Variants in CYB5B observed in about 807,000 individuals in gnomAD.
CYB5B encodes the protein cytochrome b5 type B.
Under a neutral mutation model 21.3 loss-of-function variants are expected in CYB5B, and 14 were observed. The observed-to-expected ratio is 0.66, with a 90% confidence interval of 0.43 to 1.03. CYB5B has a LOEUF of 1.03. CYB5B is among the 50% of genes least tolerant of loss of function. CYB5B has a pLI of 0.00. For missense variants in CYB5B, 166 were observed against 185.1 expected, an observed-to-expected ratio of 0.90 and a Z score of 0.60; for synonymous variants, 69 against 68.4, an observed-to-expected ratio of 1.01 and a Z score of -0.04.
intron 3 of CYB5B, chr16:69,450,180 A>G (rs1413272055): frequency 7.3e-6 from 1 of 137,896 alleles, no homozygotes; most frequent in Non-Finnish European, 1.5e-5. Context: ...TGGTAACACC[A>G]TTGCACTTCC....
intron 1 of CYB5B, among the ~76,000 whole-genome samples, chr16:69,444,682 A>C (rs1372684247): frequency 6.6e-6 from 1 of 152,094 alleles, no homozygotes; most frequent in Non-Finnish European, 1.5e-5. Context: ...AAAAAGAAGC[A>C]GGCTACAAAA....
intron 1 of CYB5B, among the ~76,000 whole-genome samples, chr16:69,438,608 CT>C (rs35676965): frequency 0.83 from 124,562 of 150,670 alleles, 52,959 homozygotes; most frequent in Non-Finnish European, 0.94. Context: ...ATTTTCATTT[CT>C]TTTTTTTTTG....
At chr16:69,450,403 C>T (rs1033784067) in intron 3 of CYB5B, among the ~76,000 whole-genome samples, 1 of 152,160 alleles carries the variant, frequency 6.6e-6, no homozygotes, top group Non-Finnish European at 1.5e-5. Context: ...CTGTTTTCCT[C>T]ATGTCACTGT....
intron 1 of CYB5B, among the ~76,000 whole-genome samples, chr16:69,432,916 G>A (rs246148): frequency 0.83 from 125,707 of 152,062 alleles, 52,170 homozygotes; most frequent in Middle Eastern, 0.92. Flanking sequence ...CCCTGCCTCA[G>A]CCTCCTGAGT....
chr16:69,440,276 G>A (rs146872068), intron 1 of CYB5B, among the ~76,000 whole-genome samples: 3 of 152,320 alleles, frequency 2.0e-5, no homozygotes, highest in African/African-American at 7.2e-5. Flanking sequence ...TTACAAAAAT[G>A]AGACTATACT....
chr16:69,448,835 G>A (rs953325916), intron 3 of CYB5B: 5 of 152,078 alleles, frequency 3.3e-5, no homozygotes, highest in African/African-American at 4.8e-5. Context: ...CTAATTTAAA[G>A]GGACAGCAGT....
chr16:69,462,544 G>T lies in CYB5B; in HGVS notation c.*24G>T. On this transcript the variant is annotated 3_prime_UTR_variant, in exon 5 of 5. Coordinates refer to ENST00000307892, the MANE Select transcript of CYB5B (RefSeq NM_030579.3). ...GAGGAGGCCTTGCTGAAGTTAGAAA[G>T]TGCATCCACTTTGGGGCGAAAACTA... 6.2e-7 allele frequency: 1 copy of T among 1,601,348 alleles called. No individual in the cohort carries two copies. The highest frequency in any genetic ancestry group is 8.6e-7 in the Non-Finnish European group (1 of 1,168,932).
chr16:69,464,467 T>C lies in CYB5B; in HGVS notation c.*1947T>C, dbSNP rs1395490247. On this transcript the variant is annotated 3_prime_UTR_variant, in exon 5 of 5. Transcript: ENST00000307892. ...AAGGCAAGGAAGGATTGGTATATGA[T>C]TGCCTGTAATAAATAAATTGCGTGA... 3 of 152,222 alleles carry C rather than the reference T, an allele frequency of 2.0e-5. No individual in the cohort carries two copies. Among genetic ancestry groups the C allele is most frequent in the African/African-American group, 7.2e-5 (3 of 41,456 alleles). The allele number at this position is 152,222 out of a possible 1,614,324, so 9.4% of individuals were successfully genotyped here. A position where few individuals can be genotyped will look rare whatever the true frequency, so the allele number is the denominator to read the frequency against.
At chr16:69,428,921 G>T (rs894722018) in intron 1 of CYB5B, among the ~76,000 whole-genome samples, 1 of 152,158 alleles carries the variant, frequency 6.6e-6, no homozygotes, top group Non-Finnish European at 1.5e-5. Context: ...AGGCCACAGT[G>T]GTTGAATAGT....
At chr16:69,434,787 C>T (rs898013810) in intron 1 of CYB5B, among the ~76,000 whole-genome samples, 1 of 145,440 alleles carries the variant, frequency 6.9e-6, no homozygotes, top group African/African-American at 2.6e-5. Flanking sequence ...CGCTTGAACC[C>T]GGGAGGTGGA....
At chr16:69,456,570 C>T (rs2142826663) in intron 3 of CYB5B, among the ~76,000 whole-genome samples, 1 of 152,306 alleles carries the variant, frequency 6.6e-6, no homozygotes, top group South Asian at 2.1e-4. Context: ...TGATTCACCA[C>T]TTGTAACTAA....
At position 69,424,817 on chromosome 16, in the gene CYB5B, T is replaced by G. The variant is rs1267489110; in HGVS notation, c.134T>G (p.Ile45Ser). ...RNSLKELWLV[I>S]HGRVYDVTRF... The stretch of plus-strand genomic sequence containing the variant: ...TCCTTGAAGGAACTGTGGCTTGTGA[T>G]CCATGGGCGAGTCTACGATGTCACC... Residue 45 changes from isoleucine to serine, a missense_variant, in exon 1 of 5, where the codon ATC becomes AGC. Physicochemically the swap from Ile to Ser is moderately radical, Grantham distance 142. Transcript: ENST00000307892. 2 of 1,603,660 alleles carry G rather than the reference T, an allele frequency of 1.2e-6. No homozygotes were observed. The highest frequency in any genetic ancestry group is 1.7e-6 in the Non-Finnish European group (2 of 1,174,860).
At chr16:69,461,881 G>A (rs1353057570) in intron 4 of CYB5B, among the ~76,000 whole-genome samples, 2 of 152,138 alleles carry the variant, frequency 1.3e-5, no homozygotes, top group East Asian at 1.9e-4. Context: ...TGTATGAGAT[G>A]AGAATAATAA....
At chr16:69,453,716 G>A (rs1334778111) in intron 3 of CYB5B, among the ~76,000 whole-genome samples, 6 of 151,876 alleles carry the variant, frequency 4.0e-5, no homozygotes, top group East Asian at 1.9e-4. Context: ...CTACCACCAC[G>A]CCTGGCTAAT....
chr16:69,438,901 G>A (rs1388987416), intron 1 of CYB5B, among the ~76,000 whole-genome samples: 2 of 151,896 alleles, frequency 1.3e-5, no homozygotes, highest in African/African-American at 4.8e-5. Context: ...CTCACATTTG[G>A]TAGATTGTCT....
chr16:69,447,005 C>T, intron 1 of CYB5B, 145 bp from the exon 2 acceptor site: 2 of 930,060 alleles, frequency 2.2e-6, no homozygotes, highest in Non-Finnish European at 3.2e-6. Context: ...GTGTTCTTCC[C>T]ATTGCATCCT....
At chr16:69,459,242 C>T in intron 4 of CYB5B, 121 bp downstream of exon 4, 1 of 1,250,560 alleles carries the variant, frequency 8.0e-7, no homozygotes, top group Non-Finnish European at 1.1e-6. Flanking sequence ...TCTTTTTTGG[C>T]CCAAATCATT....
intron 1 of CYB5B, among the ~76,000 whole-genome samples, chr16:69,426,644 G>C (rs2014650180): frequency 6.9e-6 from 1 of 144,236 alleles, no homozygotes; most frequent in Non-Finnish European, 1.5e-5. Flanking sequence ...GGCGGAGATT[G>C]CAGTGAGCCA....
chr16:69,448,087 ATAT>A (rs754712485), intron 2 of CYB5B, 25 bp from the exon 3 acceptor site: 24 of 1,607,674 alleles, frequency 1.5e-5, no homozygotes, highest in Non-Finnish European at 1.7e-5. Context: ...ATGTCTTAAA[ATAT>A]TATTTGTTTT....
Sources: allele counts gnomAD v4.1 joint callset (sites outside exome capture counted in the v4.1 genomes callset), GRCh38; gene constraint gnomAD v4.1.1; transcripts MANE v1.5; gene names NCBI Gene and HGNC (gene_info 2026-07-23, HGNC 2026-07-21).